RNASET2: variants seen among roughly 807,000 people sequenced by gnomAD.
RNASET2 encodes the protein ribonuclease 6.
A neutral mutation model predicts 33.9 loss-of-function variants in RNASET2; 28 were observed. That is an observed-to-expected ratio of 0.83 (90% CI 0.61 to 1.13). The LOEUF is 1.13. Among genes scored for constraint, RNASET2 ranks in the 50% most tolerant of loss-of-function variants. RNASET2 has a pLI of 0.00. For missense variants in RNASET2, 330 were observed against 319.9 expected (o/e 1.03, Z -0.24); for synonymous variants, 123 against 121.0 (o/e 1.02, Z -0.11).
Position 166,946,730 on chromosome 6 carries a change from T to C in RNASET2, c.213A>G (p.Lys71=). Residue 71 remains lysine (K), a synonymous_variant, in exon 4 of 9, where the codon AAA becomes AAG. Transcript: ENST00000508775. ...GCCACGATCTATTACATCCTTCACT[T>C]TTATCGGGCCTGGAAATTCAAATTT... ...YWTIHGLWPD[K]SEGCNRSWPF... is the part of the protein sequence containing the mutation. 6.4e-7 allele frequency: 1 copy of C among 1,565,072 alleles called. No homozygotes were observed. Among genetic ancestry groups the C allele is most frequent in the South Asian group, 1.1e-5 (1 of 87,182 alleles).
Position 166,931,112 on chromosome 6 carries a change from C to G in RNASET2, c.499G>C (p.Asp167His). 6 of 1,604,664 alleles carry G rather than the reference C, an allele frequency of 3.7e-6. No homozygotes were observed. Among genetic ancestry groups the G allele is most frequent in the South Asian group, 1.1e-5 (1 of 90,922 alleles). The change falls in exon 8 of 9, where the codon GAT becomes CAT. Residue 167 changes from aspartate to histidine, a missense_variant. Transcript: ENST00000508775. ...KPSINYYQVA[D>H]FKDALARVYG... ...ACTCTGGCAAGGGCATCTTTAAAAT[C>G]TGCAACCTGATTTTAAATACAAGTG... is the stretch of plus-strand genomic sequence containing the variant.
intron 7 of RNASET2, chr6:166,932,571 GC>G (rs1778473817): frequency 6.6e-6 from 1 of 152,270 alleles, no homozygotes; most frequent in African/African-American, 2.4e-5. Flanking sequence ...TGCTCCCGCA[GC>G]CCTGATTTCC....
intron 5 of RNASET2, 73 bp from the exon 6 acceptor site, chr6:166,939,081 C>T: frequency 9.1e-7 from 1 of 1,104,880 alleles, no homozygotes; most frequent in South Asian, 1.2e-5. Context: ...TGCCTGTAAT[C>T]CCAACACTTT....
Position 166,924,594 on chromosome 6 carries a change from AG to A in RNASET2, c.*4993del, listed in dbSNP as rs1397692315. Among the ~76,000 whole-genome samples, 3 of 152,068 alleles carry A rather than the reference AG, an allele frequency of 2.0e-5. No homozygotes were observed. Among genetic ancestry groups the A allele is most frequent in the Non-Finnish European group, 4.4e-5 (3 of 68,008 alleles). On this transcript the variant is annotated 3_prime_UTR_variant, in exon 9 of 9. Transcript: ENST00000508775. The stretch of plus-strand genomic sequence containing the variant: ...GCTGTCTCCCTTTCTTCAGGTTCCG[AG>A]GAAGCCTTCCCTGGCCGCCTTCATA...
intron 1 of RNASET2, chr6:166,955,594 C>A (rs998121792): frequency 2.0e-5 from 20 of 992,174 alleles, no homozygotes; most frequent in Non-Finnish European, 2.2e-5. Context: ...CCAAGCCTGC[C>A]ACCTGCTTTG....
intron 1 of RNASET2, among the ~76,000 whole-genome samples, chr6:166,954,852 C>T (rs897599235): frequency 2.2e-4 from 34 of 152,042 alleles, no homozygotes; most frequent in African/African-American, 6.8e-4. Context: ...ATTAGCCAGG[C>T]GTGGTGGTGT....
rs1779120005 is a variant in RNASET2, at chr6:166,955,333, ACGCACACGCACACG to A, written c.86+750_86+763del. On this transcript the variant is annotated intron_variant, in intron 1 of 8. Coordinates refer to ENST00000508775, the MANE Select transcript of RNASET2 (RefSeq NM_003730.6). The stretch of plus-strand genomic sequence containing the variant: ...GACACACACGCACACACACGCACGC[ACGCACACGCACACG>A]CACGCACACACACACGCACACACAA... Among the ~76,000 whole-genome samples the A allele has an allele frequency of 1.0e-4, 6 of 59,292 alleles. No homozygotes were observed. In the Admixed American group the frequency reaches 1.1e-3, roughly 11 times the overall value. The allele number at this position is 59,292 out of a possible 152,430, so 38.9% of individuals were successfully genotyped here.
intron 6 of RNASET2, among the ~76,000 whole-genome samples, chr6:166,938,210 G>T (rs1055244520): frequency 2.0e-5 from 3 of 152,160 alleles, no homozygotes; most frequent in Non-Finnish European, 4.4e-5. Flanking sequence ...GACCTCTTAT[G>T]ATGAAGGTCA....
At chr6:166,951,483 A>C (rs531018006) in intron 2 of RNASET2, among the ~76,000 whole-genome samples, 1 of 152,272 alleles carries the variant, frequency 6.6e-6, no homozygotes, top group East Asian at 1.9e-4. Flanking sequence ...TGACGCTACC[A>C]CTAGACCGAG....
chr6:166,956,045 G>A, intron 1 of RNASET2, 52 bp downstream of exon 1: 1 of 1,510,978 alleles, frequency 6.6e-7, no homozygotes, highest in East Asian at 2.5e-5. Flanking sequence ...CCAGTGGAAA[G>A]CTCTAGGGCC....
chr6:166,943,953 C>T (rs1375903872), intron 4 of RNASET2: 1 of 250,994 alleles, frequency 4.0e-6, no homozygotes, highest in Admixed American at 5.3e-5. Context: ...AACCCTGTCT[C>T]TACTAAAAAT....
At chr6:166,946,893 AAAG>A in intron 3 of RNASET2, 154 bp from the exon 4 acceptor site, 1 of 698,678 alleles carries the variant, frequency 1.4e-6, no homozygotes, top group Middle Eastern at 2.9e-4. Context: ...GATGCTTAAG[AAAG>A]AAGATGCAGG....
Position 166,933,810 on chromosome 6 carries a change from C to T in RNASET2, c.492+281G>A. Reference sequence around the variant, plus strand: ...ATAAAAGTGAATGTGACTCTTGAAACTGCAGATTCCACCTGCTCTGCCGGA... The same window carrying T: ...ATAAAAGTGAATGTGACTCTTGAAATTGCAGATTCCACCTGCTCTGCCGGA... On this transcript the variant is annotated intron_variant, in intron 7 of 8. Transcript: ENST00000508775. This position sits in a 1 kb window ranked among gnomAD's most constrained non-coding sequence, Gnocchi z 4.1. 1.9e-6 allele frequency: 1 copy of T among 515,516 alleles called. No homozygotes were observed. Among genetic ancestry groups the T allele is most frequent in the Non-Finnish European group, 3.5e-6 (1 of 289,268 alleles). 31.9% of individuals were successfully genotyped at this position (515,516 alleles called of 1,614,324 possible).
intron 6 of RNASET2, among the ~76,000 whole-genome samples, chr6:166,937,973 T>C (rs1381047442): frequency 6.6e-6 from 1 of 152,230 alleles, no homozygotes; most frequent in Non-Finnish European, 1.5e-5. Flanking sequence ...GACGATTTTG[T>C]ACGTTGAGGA....
At chr6:166,952,029 CA>C (rs913090500) in intron 2 of RNASET2, among the ~76,000 whole-genome samples, 14 of 152,122 alleles carry the variant, frequency 9.2e-5, no homozygotes, top group African/African-American at 3.4e-4. Context: ...GCCCTAAATC[CA>C]ATTACTGGTG....
At position 166,926,308 on chromosome 6, in the gene RNASET2, C is replaced by CAGGCAGATCACCTGAGGT. The variant is rs1297395977; in HGVS notation, c.*3262_*3279dup. On this transcript the variant is annotated 3_prime_UTR_variant, in exon 9 of 9. Transcript: ENST00000508775. The stretch of plus-strand genomic sequence containing the variant: ...ATCCTAGCACTCTGGGAGGCTGAGG[C>CAGGCAGATCACCTGAGGT]AGGCAGATCACCTGAGGTCAGGAGT... 1.3e-5 allele frequency among the ~76,000 whole-genome samples: 2 copies of CAGGCAGATCACCTGAGGT among 151,758 alleles called. No individual in the cohort carries two copies. The highest frequency in any genetic ancestry group is 2.9e-5 in the Non-Finnish European group (2 of 67,958).
At chr6:166,931,337 G>A (rs549832437) in intron 7 of RNASET2, 77 of 588,846 alleles carry the variant, frequency 1.3e-4, no homozygotes, top group African/African-American at 1.3e-3. Flanking sequence ...CGCTCGCTGC[G>A]GCTCTGTTTT....
intron 3 of RNASET2, among the ~76,000 whole-genome samples, chr6:166,947,814 C>T (rs1486196114): frequency 1.3e-5 from 2 of 152,104 alleles, no homozygotes; most frequent in Non-Finnish European, 2.9e-5. Context: ...TCAGATGGGG[C>T]GATTAATGTG....
Position 166,933,617 on chromosome 6 carries a change from C to A in RNASET2, c.492+474G>T. 1 of 187,960 alleles carries A rather than the reference C, an allele frequency of 5.3e-6. No individual in the cohort carries two copies. The highest frequency in any genetic ancestry group is 5.6e-5 in the Admixed American group (1 of 17,864). 11.6% of individuals were successfully genotyped at this position (187,960 alleles called of 1,614,324 possible). ...CCTCCAGCCTGAGCCTCCCAAGGTC[C>A]TGGGATTTATAGGCGTGAGTCACCA... On this transcript the variant is annotated intron_variant, in intron 7 of 8. Transcript: ENST00000508775. The surrounding 1 kb of genome is among the most constrained non-coding windows in gnomAD (Gnocchi z 4.1).
Sources: allele counts gnomAD v4.1 joint callset (sites outside exome capture counted in the v4.1 genomes callset), GRCh38; gene constraint gnomAD v4.1.1; non-coding constraint Gnocchi (gnomAD v3.1); transcripts MANE v1.5; gene names NCBI Gene and HGNC (gene_info 2026-07-23, HGNC 2026-07-21).